The following POMGNT1 variants were observed in gnomAD, a reference collection of about 807,000 sequenced individuals.
POMGNT1 encodes protein O-linked-mannose beta-1,2-N-acetylglucosaminyltransferase 1.
In POMGNT1, 67 loss-of-function variants were observed where a neutral mutation model predicts 95.6. The ratio of observed to expected loss-of-function variants is 0.70; its 90% CI spans 0.58 to 0.86. The LOEUF is 0.86. Ranked by LOEUF, POMGNT1 falls within the 40% of genes least tolerant of loss-of-function variation. The pLI, the probability that POMGNT1 is intolerant of heterozygous loss-of-function variation, is 0.00. For missense variants in POMGNT1, 719 were observed against 855.2 expected (o/e 0.84, Z 1.99); for synonymous variants, 298 against 317.9 (o/e 0.94, Z 0.66).
intron 12 of POMGNT1, 45 bp from the exon 13 acceptor site, chr1:46,193,260 G>C: frequency 6.2e-7 from 1 of 1,614,018 alleles, no homozygotes; most frequent in Non-Finnish European, 8.5e-7. Context: ...TAGGGTAGAA[G>C]GCAGAGCCAG....
Position 46,195,892 on chromosome 1 carries a change from C to T in POMGNT1, c.453G>A (p.Thr151=), listed in dbSNP as rs146121135. Reference sequence around the variant, plus strand: ...TGGCCTCATCCTCATGAGGTGAGTACGTGTCAAACACACGTTTTGCCATCA... The same window carrying T: ...TGGCCTCATCCTCATGAGGTGAGTATGTGTCAAACACACGTTTTGCCATCA... ...GHVMAKRVFD[T]YSPHEDEAMV... Residue 151 remains threonine (T), a synonymous_variant, in exon 6 of 22, where the codon ACG becomes ACA. Coordinates refer to ENST00000371984, the MANE Select transcript of POMGNT1 (RefSeq NM_017739.4). 1.4e-4 allele frequency: 222 copies of T among 1,613,654 alleles called. 1 individual carries two copies. The African/African-American group carries it at 1.5e-3, about 11-fold the overall frequency.
In POMGNT1 at chr1:46,196,754, A is replaced by G. The variant is rs1328890691; in HGVS notation, c.331T>C (p.Tyr111His). 1 of 1,614,156 alleles carries G rather than the reference A, an allele frequency of 6.2e-7. No homozygotes were observed. Among genetic ancestry groups the G allele is most frequent in the Admixed American group, 1.7e-5 (1 of 60,028 alleles). Residue 111 changes from tyrosine (Y) to histidine (H), a missense_variant, in exon 4 of 22, where the codon TAT (tyrosine) becomes CAT (histidine). By Grantham distance (83) the Tyr-to-His change is moderately conservative. Coordinates refer to ENST00000371984, the MANE Select transcript of POMGNT1 (RefSeq NM_017739.4). This position sits in a 1 kb window ranked among gnomAD's most constrained non-coding sequence, Gnocchi z 4.4. ...ACCGTGGTGCCATCCACTGCCACAT[A>G]TACTTTGCTGCGACTTGAATACACC... is the stretch of plus-strand genomic sequence containing the variant. ...VEVYSSRSKV[Y>H]VAVDGTTVLE...
chr1:46,216,501 C>A (rs1355536485), intron 1 of POMGNT1, among the ~76,000 whole-genome samples: 1 of 152,030 alleles, frequency 6.6e-6, no homozygotes, highest in Non-Finnish European at 1.5e-5. Flanking sequence ...ACCACCACAC[C>A]TGACTAATTT....
Position 46,196,717 on chromosome 1 carries a change from C to A in POMGNT1, c.354+14G>T, listed in dbSNP as rs541869996. On this transcript the variant is annotated intron_variant, in intron 4 of 21. Coordinates refer to ENST00000371984, the MANE Select transcript of POMGNT1 (RefSeq NM_017739.4). The surrounding 1 kb of genome is among the most constrained non-coding windows in gnomAD (Gnocchi z 4.4). Reference sequence around the variant, plus strand: ...AGAATAGAGTGACTGTACACCAGACCCTGGCCCACTGACCGTGGTGCCATC... The same window carrying A: ...AGAATAGAGTGACTGTACACCAGACACTGGCCCACTGACCGTGGTGCCATC... 3 of 1,613,946 alleles carry A rather than the reference C, an allele frequency of 1.9e-6. No individual in the cohort carries two copies. In the African/African-American group the frequency reaches 4.0e-5, roughly 22 times the overall value.
At chr1:46,192,768 G>T in intron 14 of POMGNT1, 132 bp downstream of exon 14, 1 of 1,580,326 alleles carries the variant, frequency 6.3e-7, no homozygotes. Context: ...CCCAACACCT[G>T]CCATCCTACC....
Position 46,219,841 on chromosome 1 carries a change from T to C in POMGNT1, c.-187A>G, listed in dbSNP as rs756360959. 3 of 1,614,140 alleles carry C rather than the reference T, an allele frequency of 1.9e-6. No individual in the cohort carries two copies. In the South Asian group the frequency reaches 3.3e-5, roughly 18 times the overall value. ...AGCCTCACCAGCAGTCAATATAGCC[T>C]GACAGGCGGGAGCCCAGGCCGCTCA... On this transcript the variant is annotated 5_prime_UTR_variant, in exon 1 of 23. Transcript: ENST00000371992.
rs923041443 is a variant in POMGNT1, at chr1:46,195,820, G to A, written c.525C>T (p.Cys175=). Reference sequence around the variant, plus strand: ...GGACAGAATAACTGACCTTGACAGTGCAGATGAGCACTCGGCCGGGCGCTA... The same window carrying A: ...GGACAGAATAACTGACCTTGACAGTACAGATGAGCACTCGGCCGGGCGCTA... ...NMVAPGRVLI[C]TVKDEGSFHL... The change falls in exon 6 of 22, where the codon TGC becomes TGT. Residue 175 remains cysteine, a synonymous_variant. Coordinates refer to ENST00000371984, the MANE Select transcript of POMGNT1 (RefSeq NM_017739.4). The A allele has an allele frequency of 6.3e-7, 1 of 1,594,336 alleles. No homozygotes were observed. Among genetic ancestry groups the A allele is most frequent in the Non-Finnish European group, 8.6e-7 (1 of 1,169,108 alleles).
upstream of POMGNT1, among the ~76,000 whole-genome samples, chr1:46,201,645 T>C (rs1658534960): frequency 2.9e-5 from 4 of 136,324 alleles, no homozygotes; most frequent in South Asian, 9.1e-4. Context: ...TTGCAGTGAG[T>C]CAAGATCGTG....
At chr1:46,198,975 T>C (rs935388166), upstream of POMGNT1, among the ~76,000 whole-genome samples, 1 of 152,144 alleles carries the variant, frequency 6.6e-6, no homozygotes, top group Non-Finnish European at 1.5e-5. Flanking sequence ...GGAGTCTCGC[T>C]CTGTCGCCCA....
Position 46,189,299 on chromosome 1 carries a change from C to T in POMGNT1, c.1954G>A (p.Gly652Arg), listed in dbSNP as rs759578024. The T allele has an allele frequency of 3.7e-6, 6 of 1,613,794 alleles. No homozygotes were observed. Among genetic ancestry groups the T allele is most frequent in the Non-Finnish European group, 5.1e-6 (6 of 1,179,966 alleles). Residue 652 changes from glycine to arginine, a missense_variant, in exon 22 of 22, where the codon GGA (glycine) becomes AGA (arginine). Coordinates refer to ENST00000371984, the MANE Select transcript of POMGNT1 (RefSeq NM_017739.4). ...IFLEPPPKEE[G>R]APGAPEQT ...GTCTGTTCTGGGGCTCCTGGGGCTC[C>T]CTCCTCCTTTGGGGGTGGCTCCAGG...
chr1:46,194,267 C>A lies in POMGNT1; in HGVS notation c.879+7G>T. 6.2e-7 allele frequency: 1 copy of A among 1,614,190 alleles called. No individual in the cohort carries two copies. The highest frequency in any genetic ancestry group is 2.2e-5 in the East Asian group (1 of 44,866). ...TCCAAACCTCACTGTCTTAAGGCCCCACTCACTGGGTCAGGGCTGAACTCG... is the reference window on the plus strand; with the variant it reads ...TCCAAACCTCACTGTCTTAAGGCCCAACTCACTGGGTCAGGGCTGAACTCG... On this transcript the variant is annotated splice_region_variant and intron_variant, in intron 9 of 21. Transcript: ENST00000371984.
Position 46,189,036 on chromosome 1 carries a change from C to T in POMGNT1, c.*234G>A, listed in dbSNP as rs998223479. 54 of 1,564,242 alleles carry T rather than the reference C, an allele frequency of 3.5e-5. No individual in the cohort carries two copies. The African/African-American group carries it at 7.1e-4, about 20-fold the overall frequency. On this transcript the variant is annotated 3_prime_UTR_variant, in exon 22 of 22. Coordinates refer to ENST00000371984, the MANE Select transcript of POMGNT1 (RefSeq NM_017739.4). ...TGAGCTGCTAGGGATCGTAATGATT[C>T]CCAGGTACTCTCCTGCCCTTCTCCA... is the stretch of plus-strand genomic sequence containing the variant.
At chr1:46,217,672 C>T (rs1055201927) in intron 1 of POMGNT1, among the ~76,000 whole-genome samples, 6 of 152,042 alleles carry the variant, frequency 3.9e-5, no homozygotes, top group African/African-American at 1.4e-4. Flanking sequence ...GCCTGGCTAA[C>T]CTGGTGATGC....
At chr1:46,219,671 G>A in intron 1 of POMGNT1, 1 of 1,545,090 alleles carries the variant, frequency 6.5e-7, no homozygotes, top group Non-Finnish European at 8.7e-7. Context: ...CCCAGAACTG[G>A]GACTAATTCC....
Position 46,189,531 on chromosome 1 carries a change from G to A in POMGNT1, c.1822C>T (p.His608Tyr), listed in dbSNP as rs1441418966. The A allele has an allele frequency of 1.2e-6, 2 of 1,613,242 alleles. No individual in the cohort carries two copies. Among genetic ancestry groups the A allele is most frequent in the African/African-American group, 1.3e-5 (1 of 75,038 alleles). The change falls in exon 21 of 22, where the codon CAT becomes TAT. Residue 608 changes from histidine (H) to tyrosine (Y), a missense_variant. This residue lies in a region of POMGNT1 where 130 missense variants were observed against 149.2 expected (regional missense o/e 0.87). Transcript: ENST00000371984. The part of the protein sequence containing the change: ...HIWDLDVRGN[H>Y]RGLWRLFRKK... Reference sequence around the variant, plus strand: ...CGAAACAATCTCCACAGGCCCCGATGGTTGCCACGCACATCCAGGTCCCAG... The same window carrying A: ...CGAAACAATCTCCACAGGCCCCGATAGTTGCCACGCACATCCAGGTCCCAG...
intron 17 of POMGNT1, 148 bp from the exon 18 acceptor site, chr1:46,190,932 T>C: frequency 1.3e-6 from 1 of 757,874 alleles, no homozygotes; most frequent in Non-Finnish European, 2.3e-6. Context: ...TCCATCCTCT[T>C]TGCAGCATCC....
rs778579837 is a variant in POMGNT1 at position 46,189,339 on chromosome 1, T to G, written c.1914A>C (p.Ser638=). 3.1e-6 allele frequency: 5 copies of G among 1,613,820 alleles called. No homozygotes were observed. The highest frequency in any genetic ancestry group is 2.2e-5 in the East Asian group (1 of 44,860). ...GTGGCTCCAGGAAAATTGGGGTGAC[T>G]GAGGGTGGCTTCTTCACTCTGGGAA... ...ASPYSVKKPP[S]VTPIFLEPPP... Residue 638 remains serine (S), a synonymous_variant, in exon 22 of 22, where the codon TCA becomes TCC. Transcript: ENST00000371984.
chr1:46,192,494 T>C (rs962559914), intron 15 of POMGNT1, 24 bp downstream of exon 15: 2 of 1,614,176 alleles, frequency 1.2e-6, no homozygotes, highest in African/African-American at 2.7e-5. Flanking sequence ...ACTCGCCTGC[T>C]AAACCCTGGT....
At chr1:46,203,352 C>T (rs1658605862), upstream of POMGNT1, 3 of 1,353,176 alleles carry the variant, frequency 2.2e-6, no homozygotes, top group Non-Finnish European at 2.0e-6. Context: ...TCCGCTTTAG[C>T]AGCGGCGAAG....
Sources: gnomAD v4.1 joint callset for allele counts (sites outside exome capture counted in the v4.1 genomes callset) on GRCh38, gnomAD v4.1.1 for gene constraint, gnomAD v4.1.1 regional missense constraint, Gnocchi (gnomAD v3.1) non-coding constraint, MANE v1.5 for transcripts, NCBI Gene and HGNC (gene_info 2026-07-23, HGNC 2026-07-21) for gene names.